STK32B: variants seen among roughly 807,000 people sequenced by gnomAD.
STK32B encodes serine/threonine-protein kinase 32B.
STK32B carries 43 observed loss-of-function variants against 52.6 expected under a neutral mutation model. The observed-to-expected ratio is 0.82, with a 90% CI of 0.64 to 1.05. The LOEUF (loss-of-function observed/expected upper bound fraction) is 1.05, where lower values mean the gene tolerates loss of function less well. STK32B is among the 50% of genes least tolerant of loss of function. STK32B has a pLI of 0.00. For missense variants in STK32B, 621 were observed against 534.6 expected, an observed-to-expected ratio of 1.16 and a Z score of -1.59; for synonymous variants, 238 against 204.3, an observed-to-expected ratio of 1.17 and a Z score of -1.41.
In STK32B at chr4:5,219,305, G is replaced by T. The variant is rs116229149; in HGVS notation, c.260+50855G>T. Among the ~76,000 whole-genome samples, 1,007 of 152,358 alleles carry T rather than the reference G, an allele frequency of 6.6e-3. 8 individuals carry two copies. The highest frequency in any genetic ancestry group is 0.017 in the Middle Eastern group (5 of 294). On this transcript the variant is annotated intron_variant, in intron 3 of 11. Coordinates refer to ENST00000282908, the MANE Select transcript of STK32B (RefSeq NM_018401.3). ...GGAAAGGACTGGGCATCCCTTTGGT[G>T]TGTGGAATTGGGACCTTCCAACTCC...
At chr4:5,212,895 C>A (rs141803586) in intron 3 of STK32B, among the ~76,000 whole-genome samples, 3 of 152,144 alleles carry the variant, frequency 2.0e-5, no homozygotes, top group Non-Finnish European at 4.4e-5. Context: ...TGATCGCAGG[C>A]AGAAGGTCGA....
At chr4:5,089,907 C>T (rs549376006) in intron 1 of STK32B, among the ~76,000 whole-genome samples, 1 of 152,304 alleles carries the variant, frequency 6.6e-6, no homozygotes, top group Admixed American at 6.5e-5. Flanking sequence ...AATCACCATT[C>T]TGACTGGCGT....
rs146253518 is a variant in STK32B at position 5,495,917 on chromosome 4, C to G, written c.1107-3028C>G. ...GTTTTCCTGAACTGCGAATGCTGCT[C>G]TCTGATCGTTCCTCTGGAAATTTTG... On this transcript the variant is annotated intron_variant, in intron 11 of 11. Coordinates refer to ENST00000282908, the MANE Select transcript of STK32B (RefSeq NM_018401.3). Among the ~76,000 whole-genome samples the G allele has an allele frequency of 5.2e-3, 799 of 152,250 alleles. 4 individuals are homozygous for G. Among genetic ancestry groups the G allele is most frequent in the African/African-American group, 0.018 (754 of 41,540 alleles).
At chr4:5,020,743 GAGA>G in the STK32B span, among the ~76,000 whole-genome samples, 121,746 of 151,754 alleles carry the variant, frequency 0.8, 49,520 homozygotes, top group East Asian at 1. Context: ...TGTCAAAAGG[GAGA>G]AGATTCTTCC....
chr4:5,205,412 T>A (rs722867), intron 3 of STK32B, among the ~76,000 whole-genome samples: 2 of 152,114 alleles, frequency 1.3e-5, no homozygotes, highest in African/African-American at 2.4e-5. Context: ...GGACCCTAAC[T>A]AATACACCTC....
chr4:5,405,553 A>C (rs1345496593), intron 5 of STK32B, among the ~76,000 whole-genome samples: 3 of 152,088 alleles, frequency 2.0e-5, no homozygotes, highest in Admixed American at 6.5e-5. Flanking sequence ...ATTTATGAAG[A>C]AAAGAGGTTT....
chr4:5,138,391 T>C (rs1716205517), intron 1 of STK32B, among the ~76,000 whole-genome samples: 1 of 152,220 alleles, frequency 6.6e-6, no homozygotes, highest in African/African-American at 2.4e-5. Context: ...TCACTTCATT[T>C]TTTTTTTTGT....
the STK32B span, among the ~76,000 whole-genome samples, chr4:5,024,400 A>T: frequency 6.6e-6 from 1 of 152,182 alleles, no homozygotes; most frequent in Non-Finnish European, 1.5e-5. Flanking sequence ...AGCCTACCCT[A>T]CTACAATTTT....
chr4:5,182,121 T>G (rs968348867), intron 3 of STK32B, among the ~76,000 whole-genome samples: 2 of 152,210 alleles, frequency 1.3e-5, no homozygotes, highest in South Asian at 4.1e-4. Context: ...TTCATAAGAA[T>G]CAACTCCTCA....
rs991307065 is a variant in STK32B at position 5,051,772 on chromosome 4, G to A, written c.-92G>A. 3 of 1,523,918 alleles carry A rather than the reference G, an allele frequency of 2.0e-6. No individual in the cohort carries two copies. In the East Asian group the frequency reaches 7.5e-5, roughly 38 times the overall value. 94.4% of individuals were successfully genotyped at this position (1,523,918 alleles called of 1,614,324 possible). A position where few individuals can be genotyped will look rare whatever the true frequency, so the allele number is the denominator to read the frequency against. ...CGCGGCTACAACCCGGACTGGGCGC[G>A]CCCCCGGCATCCCGCATCTCTGCGC... is the stretch of plus-strand genomic sequence containing the variant. On this transcript the variant is annotated 5_prime_UTR_variant, in exon 1 of 12. Coordinates refer to ENST00000282908, the MANE Select transcript of STK32B (RefSeq NM_018401.3).
chr4:5,447,321 G>A (rs10433660), intron 7 of STK32B: 22,954 of 152,804 alleles, frequency 0.15, 2,279 homozygotes, highest in East Asian at 0.53. Context: ...ACATTTTTTT[G>A]TTTGAGCAGA....
chr4:5,043,401 GTAT>G, the STK32B span, among the ~76,000 whole-genome samples: 3 of 152,268 alleles, frequency 2.0e-5, no homozygotes, highest in East Asian at 5.8e-4. Context: ...TATTTATTAT[GTAT>G]TATTCTGAAC....
intron 3 of STK32B, among the ~76,000 whole-genome samples, chr4:5,313,844 C>T (rs1205592462): frequency 6.6e-6 from 1 of 151,994 alleles, no homozygotes. Flanking sequence ...TACAGTCATT[C>T]CATAGATAAT....
intron 1 of STK32B, among the ~76,000 whole-genome samples, chr4:5,117,568 G>A (rs1360770104): frequency 6.6e-6 from 1 of 151,932 alleles, no homozygotes; most frequent in Non-Finnish European, 1.5e-5. Context: ...TTTGTGGTTG[G>A]CCTTATTTTT....
intron 3 of STK32B, among the ~76,000 whole-genome samples, chr4:5,177,787 T>G (rs1018325421): frequency 6.6e-5 from 10 of 152,190 alleles, no homozygotes; most frequent in African/African-American, 2.4e-4. Context: ...TCATTAAACC[T>G]TTAAGTTCCA....
At chr4:5,335,263 G>C (rs1385298240) in intron 4 of STK32B, among the ~76,000 whole-genome samples, 1 of 152,038 alleles carries the variant, frequency 6.6e-6, no homozygotes, top group Non-Finnish European at 1.5e-5. Flanking sequence ...GTTTATTTGC[G>C]TAGAGGTGTT....
At chr4:5,191,713 A>G (rs1721218415) in intron 3 of STK32B, among the ~76,000 whole-genome samples, 1 of 152,124 alleles carries the variant, frequency 6.6e-6, no homozygotes, top group Non-Finnish European at 1.5e-5. Flanking sequence ...TCGGCTGAGA[A>G]TTGGGCCCAA....
intron 1 of STK32B, among the ~76,000 whole-genome samples, chr4:5,063,944 G>A (rs892750158): frequency 1.3e-5 from 2 of 151,992 alleles, no homozygotes; most frequent in Non-Finnish European, 2.9e-5. Context: ...TCCCAGTCAT[G>A]TTTCTGGTTT....
intron 2 of STK32B, 79 bp from the exon 3 acceptor site, chr4:5,168,220 G>A: frequency 1.3e-6 from 2 of 1,513,330 alleles, no homozygotes; most frequent in Non-Finnish European, 1.8e-6. Context: ...AAGTAAAAAT[G>A]CAGTGCGGGG....
Sources: allele counts gnomAD v4.1 joint callset (sites outside exome capture counted in the v4.1 genomes callset), GRCh38; gene constraint gnomAD v4.1.1; transcripts MANE v1.5; gene names NCBI Gene and HGNC (gene_info 2026-07-23, HGNC 2026-07-21).